Variants in PIGL observed in about 807,000 individuals in gnomAD.
PIGL encodes the protein phosphatidylinositol glycan anchor biosynthesis class L.
In PIGL, 22 loss-of-function variants were observed where a neutral mutation model predicts 31.1. That is an observed-to-expected ratio of 0.71 (90% CI 0.51 to 1.01). PIGL has a LOEUF of 1.01. Among genes scored for constraint, PIGL ranks in the 50% least tolerant of loss-of-function variants. The probability of loss-of-function intolerance (pLI) is 0.00; values close to 1 mark genes in which losing one functional copy is unlikely to be tolerated. For synonymous variants in PIGL, 131 were observed against 117.4 expected (o/e 1.12, Z -0.75); for missense variants, 302 against 315.9 (o/e 0.96, Z 0.33).
At chr17:16,245,711 T>A (rs1304482318) in intron 2 of PIGL, among the ~76,000 whole-genome samples, 1 of 151,252 alleles carries the variant, frequency 6.6e-6, no homozygotes, top group Non-Finnish European at 1.5e-5. Flanking sequence ...CCTATATATA[T>A]ATACACACAT....
intron 1 of PIGL, among the ~76,000 whole-genome samples, chr17:16,229,474 G>A (rs967918996): frequency 1.4e-5 from 2 of 139,146 alleles, no homozygotes; most frequent in African/African-American, 2.7e-5. Context: ...TTTGAGTACC[G>A]GTTTTCCTTT....
At chr17:16,312,159 C>G (rs1004550237) in intron 3 of PIGL, among the ~76,000 whole-genome samples, 5 of 150,368 alleles carry the variant, frequency 3.3e-5, no homozygotes, top group Non-Finnish European at 7.4e-5. Context: ...ACCTCCCTCC[C>G]GGACGGGGCG....
chr17:16,255,110 G>A (rs532190085), intron 2 of PIGL, among the ~76,000 whole-genome samples: 135 of 152,196 alleles, frequency 8.9e-4, no homozygotes, highest in African/African-American at 3.2e-3. Flanking sequence ...TTTTATTTAC[G>A]CAGAAATTGA....
chr17:16,283,098 G>A (rs1009965521), intron 2 of PIGL, among the ~76,000 whole-genome samples: 2 of 151,976 alleles, frequency 1.3e-5, no homozygotes, highest in African/African-American at 4.8e-5. Context: ...TGCCTCCTGG[G>A]TTTAAGCGAT....
chr17:16,284,278 G>T (rs11651578), intron 2 of PIGL, among the ~76,000 whole-genome samples: 1 of 151,868 alleles, frequency 6.6e-6, no homozygotes, highest in South Asian at 2.1e-4. Context: ...CGCCTAGCCC[G>T]AAAGTTGCTT....
intron 2 of PIGL, among the ~76,000 whole-genome samples, chr17:16,267,443 A>G (rs1394049444): frequency 6.6e-6 from 1 of 152,134 alleles, no homozygotes; most frequent in African/African-American, 2.4e-5. Context: ...TTTTGTTGAA[A>G]AAATATCTTT....
chr17:16,284,282 G>A (rs2092928534), intron 2 of PIGL, among the ~76,000 whole-genome samples: 2 of 151,976 alleles, frequency 1.3e-5, no homozygotes, highest in South Asian at 4.1e-4. Context: ...TAGCCCGAAA[G>A]TTGCTTTTAT....
At chr17:16,286,625 T>C (rs1030363799) in intron 2 of PIGL, among the ~76,000 whole-genome samples, 2 of 152,150 alleles carry the variant, frequency 1.3e-5, no homozygotes, top group African/African-American at 2.4e-5. Flanking sequence ...GACTTCGAGT[T>C]TGGGGCCTTT....
At chr17:16,289,248 G>A (rs1458472814) in intron 2 of PIGL, among the ~76,000 whole-genome samples, 1 of 152,166 alleles carries the variant, frequency 6.6e-6, no homozygotes, top group Non-Finnish European at 1.5e-5. Flanking sequence ...GAGCTGAGAG[G>A]GCCAGGTGAG....
intron 2 of PIGL, among the ~76,000 whole-genome samples, chr17:16,280,862 G>A (rs370560078): frequency 2.0e-5 from 3 of 152,020 alleles, no homozygotes; most frequent in Non-Finnish European, 4.4e-5. Flanking sequence ...CTGCCACTAC[G>A]CCTGGCTAAT....
At chr17:16,255,622 C>T (rs900063410) in intron 2 of PIGL, among the ~76,000 whole-genome samples, 3 of 152,186 alleles carry the variant, frequency 2.0e-5, no homozygotes, top group African/African-American at 2.4e-5. Flanking sequence ...ACTCTCTCTC[C>T]TCTTGAGACT....
chr17:16,218,263 A>G (rs1003971405), intron 1 of PIGL: 3 of 152,138 alleles, frequency 2.0e-5, no homozygotes, highest in Non-Finnish European at 4.4e-5. Flanking sequence ...TTCTTTTTCT[A>G]TACAGCTTCT....
intron 5 of PIGL, chr17:16,317,288 G>C: frequency 3.0e-6 from 3 of 1,001,984 alleles, no homozygotes; most frequent in Non-Finnish European, 3.6e-6. Flanking sequence ...GATGACTTTG[G>C]AACATGACTA....
rs763218714 is a variant in PIGL at position 16,217,458 on chromosome 17, G to T, written c.232G>T (p.Ala78Ser). 1.2e-6 allele frequency: 2 copies of T among 1,612,568 alleles called. No individual in the cohort carries two copies. Among genetic ancestry groups the T allele is most frequent in the Non-Finnish European group, 8.5e-7 (1 of 1,178,650 alleles). ...CTGGGTGTACCTGCTTTGCTTCTCT[G>T]CAGGTAGGAGGCCATAGGAGGGGCG... ...RHWVYLLCFS[A>S]GNYYNQGETR... Residue 78 changes from alanine to serine, a missense_variant, in exon 1 of 7, where the codon GCA (alanine) becomes TCA (serine). Ala to Ser is a moderately conservative substitution (Grantham distance 99). Coordinates refer to ENST00000225609, the MANE Select transcript of PIGL (RefSeq NM_004278.4).
intron 2 of PIGL, among the ~76,000 whole-genome samples, chr17:16,258,580 T>G (rs1428696630): frequency 6.6e-6 from 1 of 151,994 alleles, no homozygotes; most frequent in African/African-American, 2.4e-5. Context: ...CTCAGCTCAC[T>G]GCAACCTCCG....
chr17:16,306,506 GT>G (rs758782320), intron 3 of PIGL, among the ~76,000 whole-genome samples: 10 of 145,306 alleles, frequency 6.9e-5, no homozygotes, highest in Non-Finnish European at 1.5e-4. Flanking sequence ...AGAACCAGGT[GT>G]TTGAGTTATA....
At chr17:16,281,790 G>T (rs1276599699) in intron 2 of PIGL, among the ~76,000 whole-genome samples, 1 of 152,228 alleles carries the variant, frequency 6.6e-6, no homozygotes, top group Non-Finnish European at 1.5e-5. Context: ...ACCTGTGATA[G>T]AATCTTCCAT....
intron 2 of PIGL, among the ~76,000 whole-genome samples, chr17:16,236,388 C>T (rs897891683): frequency 1.3e-5 from 2 of 152,122 alleles, no homozygotes; most frequent in Non-Finnish European, 2.9e-5. Context: ...CATATGACCT[C>T]TGTCTTTTAT....
chr17:16,300,681 G>GA (rs139875064), intron 3 of PIGL, among the ~76,000 whole-genome samples: 400 of 116,642 alleles, frequency 3.4e-3, no homozygotes, highest in South Asian at 5.9e-3. Context: ...CTCTGTCTCA[G>GA]AAAAAAAAAA....
Sources: gnomAD v4.1 joint callset for allele counts (sites outside exome capture counted in the v4.1 genomes callset) on GRCh38, gnomAD v4.1.1 for gene constraint, MANE v1.5 for transcripts, NCBI Gene and HGNC (gene_info 2026-07-23, HGNC 2026-07-21) for gene names.